Variants in INTS4 observed in about 807,000 individuals in gnomAD.
The protein encoded by INTS4 is integrator complex subunit 4, also known as MSTP093.
A neutral mutation model predicts 119.5 loss-of-function variants in INTS4; 70 were observed. That is an observed-to-expected ratio of 0.59 (90% CI 0.48 to 0.71). INTS4 has a LOEUF of 0.71. Ranked by LOEUF, INTS4 falls within the 30% of genes least tolerant of loss-of-function variation. INTS4 has a pLI of 0.00. For synonymous variants in INTS4, 316 were observed against 419.6 expected, an observed-to-expected ratio of 0.75 and a Z score of 3.02; for missense variants, 867 against 1,173.2, an observed-to-expected ratio of 0.74 and a Z score of 3.81.
intron 18 of INTS4, chr11:77,900,862 T>C (rs142692667): frequency 7.2e-4 from 371 of 513,176 alleles, no homozygotes; most frequent in African/African-American, 5.7e-3. Context: ...GCTAAGTGTT[T>C]TTACATGTAT....
chr11:77,927,801 G>T (rs1020544078), intron 11 of INTS4, among the ~76,000 whole-genome samples: 2 of 152,084 alleles, frequency 1.3e-5, no homozygotes, highest in Non-Finnish European at 2.9e-5. Context: ...CTATAGCCAC[G>T]TCCTCCACTC....
intron 11 of INTS4, among the ~76,000 whole-genome samples, chr11:77,925,667 T>A (rs1953481440): frequency 6.6e-6 from 1 of 152,364 alleles, no homozygotes; most frequent in Middle Eastern, 3.4e-3. Flanking sequence ...TTTTCCATAA[T>A]GTTAGAATAA....
chr11:77,883,210 G>C (rs534331087), intron 22 of INTS4, among the ~76,000 whole-genome samples: 6 of 152,198 alleles, frequency 3.9e-5, no homozygotes, highest in African/African-American at 1.2e-4. Context: ...CAGTAACAGT[G>C]CTCCTGAACC....
rs566575548 is a variant in INTS4, at chr11:77,957,301, C to A, written c.798-1239G>T. Reference sequence around the variant, plus strand: ...GGTTCAGCCAGGCGTGTAATCCCAGCACACTGAGATACTGAGGCGGGCAGA... The same window carrying A: ...GGTTCAGCCAGGCGTGTAATCCCAGAACACTGAGATACTGAGGCGGGCAGA... On this transcript the variant is annotated intron_variant, in intron 7 of 22. Coordinates refer to ENST00000534064, the MANE Select transcript of INTS4 (RefSeq NM_033547.4). Among the ~76,000 whole-genome samples the A allele has an allele frequency of 1.4e-3, 217 of 151,594 alleles. 1 individual carries two copies. Among genetic ancestry groups the A allele is most frequent in the African/African-American group, 5.2e-3 (213 of 41,294 alleles).
At chr11:77,916,467 C>G (rs1302841939) in intron 15 of INTS4, among the ~76,000 whole-genome samples, 7 of 152,112 alleles carry the variant, frequency 4.6e-5, no homozygotes, top group African/African-American at 1.7e-4. Context: ...TATATCTAAA[C>G]ATCAAAAAGG....
chr11:77,968,212 C>T lies in INTS4; in HGVS notation c.472-7074G>A, dbSNP rs117875889. Among the ~76,000 whole-genome samples the T allele has an allele frequency of 5.1e-4, 77 of 152,212 alleles. No individual in the cohort carries two copies. The East Asian group carries it at 0.013, about 26-fold the overall frequency. ...AAATGTCATTATTATGTGATGCATG[C>T]TGTAATTGATATCCTTAAAAAAATA... is the stretch of plus-strand genomic sequence containing the variant. On this transcript the variant is annotated intron_variant, in intron 4 of 22. Coordinates refer to ENST00000534064, the MANE Select transcript of INTS4 (RefSeq NM_033547.4).
chr11:77,877,918 C>T (rs1168793984), downstream of INTS4, among the ~76,000 whole-genome samples: 1 of 152,138 alleles, frequency 6.6e-6, no homozygotes, highest in East Asian at 1.9e-4. Context: ...CATGCAGCAT[C>T]AACTCATCAG....
chr11:77,952,216 T>C (rs1387336821), intron 8 of INTS4, among the ~76,000 whole-genome samples: 5 of 152,186 alleles, frequency 3.3e-5, no homozygotes, highest in African/African-American at 7.2e-5. Flanking sequence ...GAGATACTAA[T>C]AAAGCAGCAG....
rs187472234 is a variant in INTS4, at chr11:77,971,028, G to A, written c.471+7968C>T. 8.1e-3 allele frequency among the ~76,000 whole-genome samples: 1,231 copies of A among 151,942 alleles called. 13 individuals carry two copies. The highest frequency in any genetic ancestry group is 0.037 in the Middle Eastern group (11 of 294). On this transcript the variant is annotated intron_variant, in intron 4 of 22. Coordinates refer to ENST00000534064, the MANE Select transcript of INTS4 (RefSeq NM_033547.4). ...TCATCATGTTGGCCAGGCTGGTCTC[G>A]AACTCCTGATCTCAAGTGATCCACC... is the stretch of plus-strand genomic sequence containing the variant.
At position 77,891,752 on chromosome 11, in the gene INTS4, C is replaced by A. The variant is rs1952277672; in HGVS notation, c.2377G>T (p.Ala793Ser). The A allele has an allele frequency of 2.5e-6, 4 of 1,611,992 alleles. No individual in the cohort carries two copies. In the East Asian group the frequency reaches 8.9e-5, roughly 36 times the overall value. Residue 793 changes from alanine (A) to serine (S), a missense_variant, in exon 20 of 23, where the codon GCA becomes TCA. Around this residue, in one of 5 missense-constraint regions of INTS4, gnomAD observed 262 missense variants for 376.0 expected, o/e 0.70. Transcript: ENST00000534064. ...GTCTGTAGAATTTTGACCACTTCTGCAGGTTTGGATGTCATGAGTCGGGGC... is the reference window on the plus strand; with the variant it reads ...GTCTGTAGAATTTTGACCACTTCTGAAGGTTTGGATGTCATGAGTCGGGGC... Reference protein sequence around the residue: ...LMPRLMTSKPAEVVKILQTML... With the variant: ...LMPRLMTSKPSEVVKILQTML...
chr11:77,890,726 G>A (rs1377046194), intron 21 of INTS4, among the ~76,000 whole-genome samples: 5 of 152,166 alleles, frequency 3.3e-5, no homozygotes, highest in Admixed American at 6.5e-5. Context: ...GAGTAAACAC[G>A]ATTGCACAGA....
chr11:77,985,354 A>G (rs567777430), intron 2 of INTS4, among the ~76,000 whole-genome samples: 2 of 152,284 alleles, frequency 1.3e-5, no homozygotes, highest in African/African-American at 4.8e-5. Context: ...CACCAGCCAA[A>G]CTAGCTGCAT....
chr11:77,944,612 T>C (rs1318953052), intron 8 of INTS4, among the ~76,000 whole-genome samples: 2 of 152,208 alleles, frequency 1.3e-5, no homozygotes, highest in Non-Finnish European at 2.9e-5. Flanking sequence ...ACAGAAACTG[T>C]CCTCGATGTT....
chr11:77,991,588 T>C (rs1565297463), intron 1 of INTS4, among the ~76,000 whole-genome samples: 2 of 152,000 alleles, frequency 1.3e-5, no homozygotes, highest in Non-Finnish European at 2.9e-5. Flanking sequence ...GGAGTCTCTC[T>C]ATGTTGCCCA....
intron 8 of INTS4, among the ~76,000 whole-genome samples, chr11:77,954,481 G>A (rs1954271233): frequency 1.3e-5 from 2 of 152,040 alleles, no homozygotes; most frequent in East Asian, 1.9e-4. Context: ...CAGGGTTACT[G>A]TAAAGAGAAA....
chr11:77,981,536 A>G lies in INTS4; in HGVS notation c.287T>C (p.Leu96Ser). ...PSVRLKIASL[L>S]GLLSKTAGFS... is the part of the protein sequence containing the mutation. ...TCCTGCTGTCTTTGATAATAAACCC[A>G]ACAATGATGCAATTTTCAGTCTCAC... The change falls in exon 3 of 23, where the codon TTG (leucine) becomes TCG (serine). Residue 96 changes from leucine (L) to serine (S), a missense_variant. Physicochemically the swap from Leu to Ser is moderately radical, Grantham distance 145. Transcript: ENST00000534064. 1.9e-6 allele frequency: 3 copies of G among 1,586,526 alleles called. No individual in the cohort carries two copies. The highest frequency in any genetic ancestry group is 2.6e-6 in the Non-Finnish European group (3 of 1,165,034).
intron 4 of INTS4, chr11:77,963,339 C>T (rs1389132244): frequency 2.1e-5 from 7 of 333,782 alleles, no homozygotes; most frequent in Admixed American, 1.7e-4. Context: ...GGGCGCAGAA[C>T]GAGACTCCGT....
intron 15 of INTS4, among the ~76,000 whole-genome samples, chr11:77,914,355 C>T (rs1485789712): frequency 6.6e-6 from 1 of 152,188 alleles, no homozygotes; most frequent in South Asian, 2.1e-4. Flanking sequence ...TGCTTTAGTG[C>T]CAACAGGATA....
At chr11:77,924,943 C>T in intron 11 of INTS4, 51 bp from the exon 12 acceptor site, 1 of 1,429,544 alleles carries the variant, frequency 7.0e-7, no homozygotes, top group Non-Finnish European at 9.7e-7. Flanking sequence ...TTAGCAGACT[C>T]AGCCTCTATC....
Sources: allele counts gnomAD v4.1 joint callset (sites outside exome capture counted in the v4.1 genomes callset), GRCh38; gene constraint gnomAD v4.1.1; regional missense constraint gnomAD v4.1.1; transcripts MANE v1.5; gene names NCBI Gene and HGNC (gene_info 2026-07-23, HGNC 2026-07-21).